Variants in APLP2 observed in about 807,000 individuals in gnomAD.
APLP2 encodes the protein amyloid beta precursor like protein 2.
In APLP2, 53 loss-of-function variants were observed where a neutral mutation model predicts 89.9. The ratio of observed to expected loss-of-function variants is 0.59; its 90% CI spans 0.47 to 0.74. APLP2 has a LOEUF of 0.74. Ranked by LOEUF, APLP2 falls within the 30% of genes least tolerant of loss-of-function variation. APLP2 has a pLI of 0.00. For missense variants in APLP2, 973 were observed against 975.9 expected (o/e 1.00, Z 0.04); for synonymous variants, 372 against 348.6 (o/e 1.07, Z -0.75).
At chr11:130,119,477 T>A (rs1030228766) in intron 3 of APLP2, among the ~76,000 whole-genome samples, 1 of 152,222 alleles carries the variant, frequency 6.6e-6, no homozygotes, top group Admixed American at 6.5e-5. Context: ...CACGTACTGG[T>A]TGCCCAGCTT....
rs144858361 is a variant in APLP2, at chr11:130,137,534, C to T, written c.1837+1819C>T. On this transcript the variant is annotated intron_variant, in intron 13 of 16. Coordinates refer to ENST00000338167, the MANE Select transcript of APLP2 (RefSeq NM_001142276.2). ...CTCGTGGTCATGCTAAGCTTTCCCT[C>T]TGGGATGTCAGAGAATGCACAGCAA... 4.0e-4 allele frequency among the ~76,000 whole-genome samples: 61 copies of T among 152,324 alleles called. No individual in the cohort carries two copies. The Middle Eastern group carries it at 0.01, about 25-fold the overall frequency.
intron 3 of APLP2, among the ~76,000 whole-genome samples, chr11:130,118,841 G>A (rs937423609): frequency 6.6e-6 from 1 of 152,198 alleles, no homozygotes; most frequent in Admixed American, 6.5e-5. Flanking sequence ...TCCTGCTTCA[G>A]TGTCACATTG....
chr11:130,118,396 G>C (rs1387436612), intron 3 of APLP2, among the ~76,000 whole-genome samples: 1 of 152,134 alleles, frequency 6.6e-6, no homozygotes, highest in Non-Finnish European at 1.5e-5. Flanking sequence ...TATAGATTAT[G>C]TCATTTAGTC....
At chr11:130,120,679 C>T (rs140196725) in intron 3 of APLP2, 27 bp from the exon 4 acceptor site, 29 of 1,526,904 alleles carry the variant, frequency 1.9e-5, no homozygotes, top group South Asian at 3.4e-5. Flanking sequence ...TGGTCAGATC[C>T]GCTCTGACAA....
intron 1 of APLP2, among the ~76,000 whole-genome samples, chr11:130,075,945 T>C (rs943564983): frequency 5.9e-5 from 9 of 152,246 alleles, no homozygotes; most frequent in Non-Finnish European, 1.2e-4. Context: ...TTGTAAACCA[T>C]ATGGTTAATA....
intron 9 of APLP2, among the ~76,000 whole-genome samples, chr11:130,128,182 G>T (rs775407583): frequency 1.3e-5 from 2 of 152,078 alleles, no homozygotes; most frequent in African/African-American, 4.8e-5. Context: ...AAGACTAATT[G>T]AAAGTCAAAG....
chr11:130,078,836 C>T (rs1283562043), intron 1 of APLP2, among the ~76,000 whole-genome samples: 2 of 152,008 alleles, frequency 1.3e-5, no homozygotes, highest in Non-Finnish European at 2.9e-5. Context: ...CTTGCACCAA[C>T]TCCACATTGT....
intron 1 of APLP2, among the ~76,000 whole-genome samples, chr11:130,078,757 C>G (rs143912791): frequency 4.4e-4 from 67 of 152,182 alleles, no homozygotes; most frequent in African/African-American, 1.5e-3. Flanking sequence ...CCCTTGTAAT[C>G]AAGTATCTCC....
intron 3 of APLP2, among the ~76,000 whole-genome samples, chr11:130,113,149 C>T (rs1948787808): frequency 6.6e-6 from 1 of 152,210 alleles, no homozygotes; most frequent in Non-Finnish European, 1.5e-5. Context: ...AGCAGCGACC[C>T]TGTTTTAGTC....
At chr11:130,101,636 T>G in intron 1 of APLP2, 1 of 173,066 alleles carries the variant, frequency 5.8e-6, no homozygotes, top group South Asian at 1.1e-4. Context: ...AGGCATATAA[T>G]AAGCAGAATT....
chr11:130,107,249 G>A (rs1947907265), intron 1 of APLP2, among the ~76,000 whole-genome samples: 1 of 152,182 alleles, frequency 6.6e-6, no homozygotes, highest in Admixed American at 6.5e-5. Flanking sequence ...ATGATTTGGT[G>A]TGTGCAAAGG....
At position 130,121,757 on chromosome 11, in the gene APLP2, T is replaced by TGAAGAGGAAGAGGAAGAG; in HGVS notation, c.666_683dup (p.Glu222_Glu227dup). ...TGTCAAAAGAAGAGGAAGAGGAAGATGAAGAGGAAGAGGAAGAGGAAGATG... is the reference window on the plus strand; with the variant it reads ...TGTCAAAAGAAGAGGAAGAGGAAGATGAAGAGGAAGAGGAAGAGGAAGAGGAAGAGGAAGAGGAAGATG... On this transcript the variant is annotated inframe_insertion, in exon 5 of 17. Transcript: ENST00000338167. 1 of 1,609,956 alleles carries TGAAGAGGAAGAGGAAGAG rather than the reference T, an allele frequency of 6.2e-7. No individual in the cohort carries two copies. Among genetic ancestry groups the TGAAGAGGAAGAGGAAGAG allele is most frequent in the Non-Finnish European group, 8.5e-7 (1 of 1,179,138 alleles).
Position 130,141,683 on chromosome 11 carries a change from C to A in APLP2, c.1998+111C>A. On this transcript the variant is annotated intron_variant, in intron 15 of 16. Coordinates refer to ENST00000338167, the MANE Select transcript of APLP2 (RefSeq NM_001142276.2). This position sits in a 1 kb window ranked among gnomAD's most constrained non-coding sequence, Gnocchi z 4.2. ...GAGAGATGCCTGAGCTAATAAGGGT[C>A]CCTCATCCCCAGCTTTCCGTACTTT... 2 of 1,003,846 alleles carry A rather than the reference C, an allele frequency of 2.0e-6. No homozygotes were observed. The highest frequency in any genetic ancestry group is 1.5e-5 in the South Asian group (1 of 65,990). The allele number at this position is 1,003,846 out of a possible 1,614,324, so 62.2% of individuals were successfully genotyped here.
At chr11:130,079,270 T>C (rs2135388788) in intron 1 of APLP2, among the ~76,000 whole-genome samples, 1 of 152,206 alleles carries the variant, frequency 6.6e-6, no homozygotes, top group East Asian at 1.9e-4. Flanking sequence ...GGCTAATTTT[T>C]GTATTTATAG....
intron 3 of APLP2, among the ~76,000 whole-genome samples, chr11:130,118,898 G>T (rs1456540973): frequency 1.3e-5 from 2 of 152,172 alleles, no homozygotes; most frequent in African/African-American, 4.8e-5. Context: ...TGAGAAACCT[G>T]ACTGCCATTT....
intron 9 of APLP2, among the ~76,000 whole-genome samples, chr11:130,128,781 A>G (rs2136021474): frequency 6.6e-6 from 1 of 152,328 alleles, no homozygotes; most frequent in South Asian, 2.1e-4. Flanking sequence ...GCTTGCAGGC[A>G]CTAGCACTTG....
intron 1 of APLP2, among the ~76,000 whole-genome samples, chr11:130,089,108 A>T (rs1413626495): frequency 1.3e-5 from 2 of 152,034 alleles, no homozygotes; most frequent in Non-Finnish European, 2.9e-5. Context: ...CCATTCTCCC[A>T]GTTGTCAGAA....
intron 11 of APLP2, 60 bp downstream of exon 11, chr11:130,130,226 C>T (rs1950793085): frequency 1.2e-6 from 2 of 1,607,884 alleles, no homozygotes; most frequent in Admixed American, 3.3e-5. Context: ...GAACATAATG[C>T]CTTGACTAAT....
chr11:130,142,088 C>T lies in APLP2; in HGVS notation c.2154+14C>T. ...GGGATCGTGGAGGTGAGGAGCTGGG[C>T]TGCTGAGGGCCTGCTCTGCACTGTG... is the stretch of plus-strand genomic sequence containing the variant. On this transcript the variant is annotated intron_variant, in intron 16 of 16. Transcript: ENST00000338167. 4 of 1,607,508 alleles carry T rather than the reference C, an allele frequency of 2.5e-6. No homozygotes were observed. In the South Asian group the frequency reaches 3.3e-5, roughly 13 times the overall value.
Sources: allele counts gnomAD v4.1 joint callset (sites outside exome capture counted in the v4.1 genomes callset), GRCh38; gene constraint gnomAD v4.1.1; non-coding constraint Gnocchi (gnomAD v3.1); transcripts MANE v1.5; gene names NCBI Gene and HGNC (gene_info 2026-07-23, HGNC 2026-07-21).